Variants in CACNA1A observed in about 807,000 individuals in gnomAD.
CACNA1A encodes voltage-dependent P/Q-type calcium channel subunit alpha-1A.
Under a neutral mutation model 262.4 loss-of-function variants are expected in CACNA1A, and 57 were observed. The ratio of observed to expected loss-of-function variants is 0.22; its 90% CI spans 0.18 to 0.27. CACNA1A has a LOEUF of 0.27. Among genes scored for constraint, CACNA1A ranks in the 10% least tolerant of loss-of-function variants. The pLI, the probability that CACNA1A is intolerant of heterozygous loss-of-function variation, is 1.00. For missense variants in CACNA1A, 2,526 were observed against 3,562.8 expected (o/e 0.71, Z 7.41); for synonymous variants, 1,431 against 1,419.3 (o/e 1.01, Z -0.18).
intron 24 of CACNA1A, chr19:13,275,540 G>C: frequency 2.4e-6 from 1 of 413,620 alleles, no homozygotes; most frequent in Non-Finnish European, 4.5e-6. Flanking sequence ...GTAGTAGGGG[G>C]ATGAGATGTT....
At position 13,241,460 on chromosome 19, in the gene CACNA1A, C is replaced by T. The variant is rs1464510795; in HGVS notation, c.4950+3722G>A. 1 of 1,222,928 alleles carries T rather than the reference C, an allele frequency of 8.2e-7. No individual in the cohort carries two copies. Among genetic ancestry groups the T allele is most frequent in the South Asian group, 1.3e-5 (1 of 78,186 alleles). The allele number at this position is 1,222,928 out of a possible 1,614,324, so 75.8% of individuals were successfully genotyped here. On this transcript the variant is annotated intron_variant, in intron 31 of 46. Transcript: ENST00000360228. The surrounding 1 kb of genome is among the most constrained non-coding windows in gnomAD (Gnocchi z 4.0). ...CAGGGTGTGGCATGCAATGCCGACG[C>T]GAGGAGATGCGTTCACAGTTAATGT...
intron 5 of CACNA1A, chr19:13,365,115 G>C: frequency 2.3e-6 from 1 of 429,246 alleles, no homozygotes; most frequent in Non-Finnish European, 4.2e-6. Flanking sequence ...TTTCTCTGCT[G>C]GGTCACCTTC....
chr19:13,217,400 A>G (rs772811794), intron 38 of CACNA1A, among the ~76,000 whole-genome samples: 7 of 152,204 alleles, frequency 4.6e-5, no homozygotes, highest in Non-Finnish European at 8.8e-5. Context: ...CAGTGTGCTT[A>G]GAAAGTGAGC....
chr19:13,291,465 A>T (rs998137070), intron 19 of CACNA1A, among the ~76,000 whole-genome samples: 1 of 151,830 alleles, frequency 6.6e-6, no homozygotes, highest in Non-Finnish European at 1.5e-5. Flanking sequence ...AGAGTTACCC[A>T]GCTGGAAAAC....
At chr19:13,409,636 T>G (rs1347228457) in intron 3 of CACNA1A, among the ~76,000 whole-genome samples, 1 of 152,024 alleles carries the variant, frequency 6.6e-6, no homozygotes, top group Non-Finnish European at 1.5e-5. Context: ...ACCTCCACCT[T>G]CAGGGCTCAA....
At chr19:13,265,535 C>A (rs956132575) in intron 24 of CACNA1A, among the ~76,000 whole-genome samples, 3 of 152,190 alleles carry the variant, frequency 2.0e-5, no homozygotes, top group Non-Finnish European at 4.4e-5. Flanking sequence ...TCATCATTAT[C>A]ATCTCAAGGC....
At chr19:13,227,903 CTTTTTTTTTT>C (rs34218031) in intron 36 of CACNA1A, among the ~76,000 whole-genome samples, 107 of 74,270 alleles carry the variant, frequency 1.4e-3, no homozygotes, top group African/African-American at 5.1e-3. Context: ...TGTTCATTGC[CTTTTTTTTTT>C]TTTTTTTTTT....
chr19:13,249,165 A>G (rs918616834), intron 30 of CACNA1A, among the ~76,000 whole-genome samples: 2 of 152,032 alleles, frequency 1.3e-5, no homozygotes, highest in Non-Finnish European at 2.9e-5. Flanking sequence ...AGGTCTTGCT[A>G]TGTTGCCCAG....
At chr19:13,404,785 T>G (rs2059973025) in intron 3 of CACNA1A, among the ~76,000 whole-genome samples, 1 of 152,060 alleles carries the variant, frequency 6.6e-6, no homozygotes, top group Non-Finnish European at 1.5e-5. Context: ...ACGTGAACCA[T>G]CCCTGAGGGG....
chr19:13,207,422 C>T lies in CACNA1A; in HGVS notation c.7412G>A (p.Arg2471Gln), dbSNP rs1208192898. 4.6e-6 allele frequency: 7 copies of T among 1,525,848 alleles called. No homozygotes were observed. The highest frequency in any genetic ancestry group is 2.0e-5 in the Admixed American group (1 of 50,782). 94.5% of individuals were successfully genotyped at this position (1,525,848 alleles called of 1,614,324 possible). ...ACASPSRHGR[R>Q]LPNGYYPAHG... Reference sequence around the variant, plus strand: ...CGCCGGGTAGTAGCCGTTGGGGAGTCGCCGGCCGTGCCGAGAAGGCGAGGC... The same window carrying T: ...CGCCGGGTAGTAGCCGTTGGGGAGTTGCCGGCCGTGCCGAGAAGGCGAGGC... Residue 2471 changes from arginine (R) to glutamine (Q), a missense_variant, in exon 47 of 47, where the codon CGA (arginine) becomes CAA (glutamine). Physicochemically the swap from Arg to Gln is conservative, Grantham distance 43. Around this residue, in one of 17 missense-constraint regions of CACNA1A, gnomAD observed 929 missense variants for 868.1 expected, o/e 1.07. Transcript: ENST00000360228. This position sits in a 1 kb window ranked among gnomAD's most constrained non-coding sequence, Gnocchi z 5.7.
At chr19:13,417,048 A>T (rs2060235700) in intron 3 of CACNA1A, among the ~76,000 whole-genome samples, 2 of 152,174 alleles carry the variant, frequency 1.3e-5, no homozygotes, top group South Asian at 4.1e-4. Context: ...TGTTTCCAAG[A>T]ATGGCTTTTG....
intron 19 of CACNA1A, among the ~76,000 whole-genome samples, chr19:13,297,647 C>T (rs368720340): frequency 6.6e-6 from 1 of 152,080 alleles, no homozygotes; most frequent in Non-Finnish European, 1.5e-5. Context: ...CCTGTCTCTA[C>T]AAAACACTGT....
chr19:13,376,319 G>A (rs2059403743), intron 3 of CACNA1A, among the ~76,000 whole-genome samples: 1 of 152,122 alleles, frequency 6.6e-6, no homozygotes, highest in African/African-American at 2.4e-5. Context: ...AAGCTTCAAA[G>A]GACAGGCTGA....
rs58034993 is a variant in CACNA1A, at chr19:13,456,146, T to C, written c.294-934A>G. Among the ~76,000 whole-genome samples the C allele has an allele frequency of 9.3e-3, 1,404 of 151,520 alleles. 26 individuals carry two copies. Among genetic ancestry groups the C allele is most frequent in the African/African-American group, 0.031 (1,298 of 41,352 alleles). On this transcript the variant is annotated intron_variant, in intron 1 of 46. Transcript: ENST00000360228. The stretch of plus-strand genomic sequence containing the variant: ...GCCTGGGCAACAGAGCAAGACTCCA[T>C]CTCAAAAATAAATAAAATAATAAAT...
chr19:13,376,282 G>C (rs2059403378), intron 3 of CACNA1A, among the ~76,000 whole-genome samples: 1 of 152,174 alleles, frequency 6.6e-6, no homozygotes, highest in Non-Finnish European at 1.5e-5. Context: ...TTCATAGCTA[G>C]AGAGGAGAAG....
chr19:13,426,449 C>T (rs970370026), intron 3 of CACNA1A, among the ~76,000 whole-genome samples: 1 of 151,990 alleles, frequency 6.6e-6, no homozygotes, highest in African/African-American at 2.4e-5. Flanking sequence ...GGGTGAGAGG[C>T]CAGGGATGCT....
chr19:13,453,580 A>T (rs2060954536), intron 2 of CACNA1A, among the ~76,000 whole-genome samples: 1 of 152,210 alleles, frequency 6.6e-6, no homozygotes, highest in Admixed American at 6.5e-5. Flanking sequence ...GCTGGCATGT[A>T]GATTGTTAAA....
rs1305646780 is a variant in CACNA1A at position 13,308,581 on chromosome 19, C to T, written c.1669-53G>A. ...CAGGGACAGTGTCTGGGCTCCAGAA[C>T]TGGCAAGCATTTCCTAGGTACCAAC... On this transcript the variant is annotated intron_variant, in intron 12 of 46. Coordinates refer to ENST00000360228, the MANE Select transcript of CACNA1A (RefSeq NM_001127222.2). This position sits in a 1 kb window ranked among gnomAD's most constrained non-coding sequence, Gnocchi z 4.2. 1.7e-6 allele frequency: 2 copies of T among 1,193,486 alleles called. No homozygotes were observed. The highest frequency in any genetic ancestry group is 1.5e-5 in the African/African-American group (1 of 65,750). The allele number at this position is 1,193,486 out of a possible 1,614,324, so 73.9% of individuals were successfully genotyped here.
At chr19:13,216,323 TTTA>T (rs921718035) in intron 38 of CACNA1A, among the ~76,000 whole-genome samples, 5 of 152,080 alleles carry the variant, frequency 3.3e-5, no homozygotes, top group Admixed American at 1.3e-4. Context: ...GGCCAGAGCA[TTTA>T]TTATTATTTT....
Sources: allele counts gnomAD v4.1 joint callset (sites outside exome capture counted in the v4.1 genomes callset), GRCh38; gene constraint gnomAD v4.1.1; regional missense constraint gnomAD v4.1.1; non-coding constraint Gnocchi (gnomAD v3.1); transcripts MANE v1.5; gene names NCBI Gene and HGNC (gene_info 2026-07-23, HGNC 2026-07-21).